FAAP20: variants seen among roughly 807,000 people sequenced by gnomAD.
FAAP20 encodes FA core complex associated protein 20.
Under a neutral mutation model 16.2 loss-of-function variants are expected in FAAP20, and 12 were observed. The observed-to-expected ratio is 0.74, with a 90% CI of 0.48 to 1.20. The LOEUF (loss-of-function observed/expected upper bound fraction) is 1.20. Among genes scored for constraint, FAAP20 ranks in the 50% most tolerant of loss-of-function variants. The probability of loss-of-function intolerance (pLI) is 0.00; values close to 1 mark genes in which losing one functional copy is unlikely to be tolerated. For missense variants in FAAP20, 288 were observed against 245.8 expected (o/e 1.17, Z -1.15); for synonymous variants, 141 against 110.7 (o/e 1.27, Z -1.72).
Position 2,189,664 on chromosome 1 carries a change from A to AGAGGCGGGGCTGCTGGCGGGGGAGC in FAAP20, c.*44_*45insGCTCCCCCGCCAGCAGCCCCGCCTC. 6.6e-7 allele frequency: 1 copy of AGAGGCGGGGCTGCTGGCGGGGGAGC among 1,514,854 alleles called. No individual in the cohort carries two copies. The highest frequency in any genetic ancestry group is 9.1e-7 in the Non-Finnish European group (1 of 1,100,806). 93.8% of individuals were successfully genotyped at this position (1,514,854 alleles called of 1,614,324 possible). ...AGAGGCGGGGCTGCTGGCGGGGGAG[A>AGAGGCGGGGCTGCTGGCGGGGGAGC]GCGTGTCCGGGCGCCGCACTCTGCG... On this transcript the variant is annotated 3_prime_UTR_variant, in exon 4 of 4. Coordinates refer to ENST00000378546, the MANE Select transcript of FAAP20 (RefSeq NM_182533.4).
At chr1:2,200,998 G>A, upstream of FAAP20, 13 of 1,253,090 alleles carry the variant, frequency 1.0e-5, no homozygotes, top group Non-Finnish European at 1.4e-5. Flanking sequence ...AGCCCTTGAT[G>A]TCCTGAGATG....
At chr1:2,200,395 C>CAA (rs765418052), upstream of FAAP20, 187 of 104,026 alleles carry the variant, frequency 1.8e-3, 2 homozygotes, top group Middle Eastern at 0.014. Flanking sequence ...AACTCTATCT[C>CAA]AAAAAAAAAA....
At chr1:2,187,061 C>G (rs896944646), downstream of FAAP20, 2 of 375,034 alleles carry the variant, frequency 5.3e-6, no homozygotes, top group Non-Finnish European at 1.1e-5. Flanking sequence ...CTCGAAAACT[C>G]TGGTGACTTG....
chr1:2,191,999 G>A (rs985156067), intron 3 of FAAP20: 18 of 985,408 alleles, frequency 1.8e-5, no homozygotes, highest in Non-Finnish European at 2.2e-5. Context: ...GAACACCAAG[G>A]CTGTGAGAAA....
chr1:2,209,103 A>G (rs1270342494), downstream of FAAP20, among the ~76,000 whole-genome samples: 1 of 152,144 alleles, frequency 6.6e-6, no homozygotes, highest in African/African-American at 2.4e-5. Context: ...GGTCAACAGC[A>G]AACAGGCACG....
At chr1:2,186,870 G>C (rs1398443254), downstream of FAAP20, 2 of 174,126 alleles carry the variant, frequency 1.1e-5, no homozygotes, top group African/African-American at 2.4e-5. Flanking sequence ...TAGCGTGCCG[G>C]TTACCAGTTT....
chr1:2,210,292 G>A (rs146720266), downstream of FAAP20, among the ~76,000 whole-genome samples: 153 of 152,350 alleles, frequency 1.0e-3, 1 homozygote, highest in East Asian at 0.021. Context: ...TGGGAGTGGC[G>A]ATGTCGGCCA....
downstream of FAAP20, among the ~76,000 whole-genome samples, chr1:2,209,374 T>C (rs928239569): frequency 6.6e-6 from 1 of 152,152 alleles, no homozygotes; most frequent in African/African-American, 2.4e-5. Context: ...CCATCCAACA[T>C]AGAACATTTG....
intron 3 of FAAP20, among the ~76,000 whole-genome samples, chr1:2,205,443 A>G (rs1335458650): frequency 1.3e-5 from 2 of 150,690 alleles, no homozygotes; most frequent in African/African-American, 2.4e-5. Context: ...CGCCGCTTCA[A>G]TTTCCTCCAG....
chr1:2,200,872 G>A, upstream of FAAP20: 1 of 1,077,680 alleles, frequency 9.3e-7, no homozygotes, highest in Admixed American at 4.6e-5. Context: ...TGCAGGTGGA[G>A]AGGGTGGCTG....
chr1:2,193,146 G>T, intron 3 of FAAP20: 1 of 478,792 alleles, frequency 2.1e-6, no homozygotes, highest in Non-Finnish European at 3.4e-6. Context: ...CACAAGGCCA[G>T]GCACTGGGCA....
rs747560796 is a variant in FAAP20, at chr1:2,193,804, C to T, written c.305G>A (p.Arg102Gln). 9.3e-6 allele frequency: 15 copies of T among 1,604,392 alleles called. No individual in the cohort carries two copies. Among genetic ancestry groups the T allele is most frequent in the Admixed American group, 1.8e-5 (1 of 56,468 alleles). Residue 102 changes from arginine (R) to glutamine (Q), a missense_variant, in exon 3 of 4, where the codon CGG becomes CAG. Physicochemically the swap from Arg to Gln is conservative, Grantham distance 43. Transcript: ENST00000378546. ...GTGCCCTCCTGCCCCGTGAAGCAGC[C>T]GGTAGGAACGGCCCGGGCCCCACAG... ...PDLWGPGRSY[R>Q]LLHGAGGHLE...
chr1:2,194,238 A>T, intron 1 of FAAP20, 105 bp from the exon 2 acceptor site: 1 of 1,429,340 alleles, frequency 7.0e-7, no homozygotes, highest in Non-Finnish European at 9.3e-7. Context: ...GATGGGGGGT[A>T]CTAGAGGGAA....
intron 3 of FAAP20, among the ~76,000 whole-genome samples, chr1:2,205,977 G>T (rs1689245229): frequency 2.0e-5 from 3 of 152,294 alleles, no homozygotes; most frequent in East Asian, 1.9e-4. Flanking sequence ...GCAGGGATGG[G>T]GACCCAGGGC....
chr1:2,193,373 C>G, intron 3 of FAAP20: 1 of 566,002 alleles, frequency 1.8e-6, no homozygotes, highest in Non-Finnish European at 3.0e-6. Context: ...CAGGTGGACC[C>G]GGGGCCAGTG....
At chr1:2,196,054 GAGA>G (rs1688808071), upstream of FAAP20, among the ~76,000 whole-genome samples, 1 of 152,202 alleles carries the variant, frequency 6.6e-6, no homozygotes, top group African/African-American at 2.4e-5. This position sits in a 1 kb window ranked among gnomAD's most constrained non-coding sequence, Gnocchi z 4.5. Context: ...TCTCAGGCGA[GAGA>G]AGCCCAGCCG....
chr1:2,194,694 G>GC lies in FAAP20; in HGVS notation c.55dup (p.Ala19GlyfsTer16). Reference sequence around the variant, plus strand: ...GCCCGGCTCCCGGCCTCACCCGCCCGCCGGGCGCGGCCTCCGGCGGCTCAA... The same window carrying GC: ...GCCCGGCTCCCGGCCTCACCCGCCCGCCCGGGCGCGGCCTCCGGCGGCTCAA... On this transcript the variant is annotated frameshift_variant, in exon 1 of 4. Transcript: ENST00000378546. LOFTEE classifies it high-confidence loss of function. 8.7e-7 allele frequency: 1 copy of GC among 1,153,564 alleles called. No homozygotes were observed. Among genetic ancestry groups the GC allele is most frequent in the Non-Finnish European group, 1.1e-6 (1 of 939,688 alleles). 71.5% of individuals were successfully genotyped at this position (1,153,564 alleles called of 1,614,324 possible).
chr1:2,199,630 G>A (rs1011727493), upstream of FAAP20: 20 of 985,666 alleles, frequency 2.0e-5, 1 homozygote, highest in African/African-American at 3.1e-4. This position sits in a 1 kb window ranked among gnomAD's most constrained non-coding sequence, Gnocchi z 4.5. Context: ...GGAGCACTGT[G>A]GGTTGAGCAG....
upstream of FAAP20, chr1:2,200,767 C>T (rs1438483028): frequency 1.0e-6 from 1 of 998,960 alleles, no homozygotes; most frequent in African/African-American, 1.7e-5. Flanking sequence ...GTCCACCACA[C>T]CCGGAGCTGA....
Sources: allele counts gnomAD v4.1 joint callset (sites outside exome capture counted in the v4.1 genomes callset), GRCh38; gene constraint gnomAD v4.1.1; non-coding constraint Gnocchi (gnomAD v3.1); transcripts MANE v1.5; gene names NCBI Gene and HGNC (gene_info 2026-07-23, HGNC 2026-07-21).